The following NELL1 variants were observed in gnomAD, a reference collection of about 807,000 sequenced individuals.
NELL1 encodes neural EGFL like 1.
In NELL1, 76 loss-of-function variants were observed where a neutral mutation model predicts 107.4. The ratio of observed to expected loss-of-function variants is 0.71; its 90% CI spans 0.59 to 0.86. The LOEUF is 0.86. Among genes scored for constraint, NELL1 ranks in the 40% least tolerant of loss-of-function variants. NELL1 has a pLI of 0.00. For missense variants in NELL1, 1,024 were observed against 1,005.5 expected, an observed-to-expected ratio of 1.02 and a Z score of -0.25; for synonymous variants, 353 against 341.2, an observed-to-expected ratio of 1.03 and a Z score of -0.38.
In NELL1 at chr11:20,721,179, G is replaced by GTATATATATATATATATATATATATA. The variant is rs1368182153; in HGVS notation, c.184+43120_184+43121insATATATATATATATATATATATATAT. ...CCAATGAGATATAGATATATATTTT[G>GTATATATATATATATATATATATATA]TGTATATATATATATATAGTGTATA... On this transcript the variant is annotated intron_variant, in intron 2 of 19. Coordinates refer to ENST00000357134, the MANE Select transcript of NELL1 (RefSeq NM_006157.5). Among the ~76,000 whole-genome samples, 74 of 31,946 alleles carry GTATATATATATATATATATATATATA rather than the reference G, an allele frequency of 2.3e-3. 1 individual carries two copies. The highest frequency in any genetic ancestry group is 7.9e-3 in the South Asian group (5 of 634). 21.0% of individuals were successfully genotyped at this position (31,946 alleles called of 152,430 possible).
chr11:21,396,047 T>C, intron 15 of NELL1, among the ~76,000 whole-genome samples: 1 of 151,610 alleles, frequency 6.6e-6, no homozygotes, highest in East Asian at 2.0e-4. Context: ...GAGGCAGTTT[T>C]CACTTCTATA....
chr11:20,919,475 A>G, intron 7 of NELL1, 141 bp downstream of exon 7: 4 of 555,814 alleles, frequency 7.2e-6, no homozygotes, highest in East Asian at 3.0e-5. Context: ...TCTTACTCAA[A>G]ATAGGACTAC....
At chr11:20,873,938 AT>A (rs1286773336) in intron 4 of NELL1, among the ~76,000 whole-genome samples, 1 of 151,574 alleles carries the variant, frequency 6.6e-6, no homozygotes, top group African/African-American at 2.4e-5. Flanking sequence ...TAACTTTTTT[AT>A]TTTTTGTAGA....
chr11:21,410,557 C>T (rs1218898616), intron 15 of NELL1, among the ~76,000 whole-genome samples: 3 of 151,998 alleles, frequency 2.0e-5, no homozygotes, highest in Non-Finnish European at 4.4e-5. Context: ...AATTTATAAC[C>T]TAACATAAAT....
chr11:20,674,555 A>G, intron 1 of NELL1: 1 of 1,533,660 alleles, frequency 6.5e-7, no homozygotes, highest in South Asian at 1.2e-5. Context: ...TCTCTGCTTC[A>G]GCAATCCCTT....
chr11:20,878,307 C>T (rs866191206), intron 4 of NELL1, among the ~76,000 whole-genome samples: 10 of 145,820 alleles, frequency 6.9e-5, no homozygotes, highest in South Asian at 2.2e-4. Flanking sequence ...TGCAGTGAGC[C>T]GAGATCGCGG....
chr11:21,407,048 G>A (rs1273099082), intron 15 of NELL1, among the ~76,000 whole-genome samples: 1 of 152,016 alleles, frequency 6.6e-6, no homozygotes, highest in Non-Finnish European at 1.5e-5. Context: ...GTGAGAATTT[G>A]AGTGAAGCTG....
intron 14 of NELL1, among the ~76,000 whole-genome samples, chr11:21,347,463 G>T (rs1214161450): frequency 6.6e-6 from 1 of 152,014 alleles, no homozygotes; most frequent in African/African-American, 2.4e-5. Context: ...TTAGCCGAGT[G>T]TGGTGGTGCA....
At chr11:20,903,511 T>C (rs1332354935) in intron 5 of NELL1, among the ~76,000 whole-genome samples, 1 of 152,108 alleles carries the variant, frequency 6.6e-6, no homozygotes, top group Non-Finnish European at 1.5e-5. Context: ...GGTTTTGATT[T>C]ATTCAGTTTG....
intron 3 of NELL1, among the ~76,000 whole-genome samples, chr11:20,836,557 G>A (rs1848537867): frequency 6.6e-6 from 1 of 151,976 alleles, no homozygotes. Flanking sequence ...TGTATATGAT[G>A]AAGTATTACT....
rs141323787 is a variant in NELL1 at position 20,947,424 on chromosome 11, G to T, written c.1160G>T (p.Arg387Leu). ...DHILPENQCC[R>L]VCRGHNFCAE... ...ATTCTTCCTGAGAATCAGTGCTGCC[G>T]TGTCTGTAGAGGTAAGTGGGCTTGG... The change falls in exon 11 of 20, where the codon CGT becomes CTT. Residue 387 changes from arginine to leucine, a missense_variant. By Grantham distance (102) the Arg-to-Leu change is moderately radical. Coordinates refer to ENST00000357134, the MANE Select transcript of NELL1 (RefSeq NM_006157.5). The T allele has an allele frequency of 1.2e-6, 2 of 1,613,826 alleles. No homozygotes were observed. Among genetic ancestry groups the T allele is most frequent in the East Asian group, 2.2e-5 (1 of 44,862 alleles).
intron 15 of NELL1, among the ~76,000 whole-genome samples, chr11:21,439,663 A>G (rs1853228519): frequency 1.3e-5 from 2 of 152,166 alleles, no homozygotes. Flanking sequence ...TGTATTAGTA[A>G]GTAATACAGC....
chr11:21,338,698 C>CTTTTTTTTT (rs5790175), intron 14 of NELL1, among the ~76,000 whole-genome samples: 1 of 150,872 alleles, frequency 6.6e-6, no homozygotes. Context: ...CAAACATTTC[C>CTTTTTTTTT]TTTTTTTTTG....
intron 14 of NELL1, among the ~76,000 whole-genome samples, chr11:21,332,960 T>C (rs1590844889): frequency 6.6e-6 from 1 of 152,050 alleles, no homozygotes; most frequent in East Asian, 1.9e-4. Context: ...TAAATTTCTT[T>C]AAACAACTTG....
At chr11:21,113,481 T>G in intron 12 of NELL1, 108 bp from the exon 13 acceptor site, 1 of 1,152,334 alleles carries the variant, frequency 8.7e-7, no homozygotes, top group Admixed American at 2.4e-5. Flanking sequence ...TGTTACTTTT[T>G]CTCTTGGCTT....
chr11:21,482,668 T>C (rs1590966446), intron 15 of NELL1, among the ~76,000 whole-genome samples: 1 of 152,098 alleles, frequency 6.6e-6, no homozygotes, highest in African/African-American at 2.4e-5. Context: ...ACTGAACTCT[T>C]TGAGGGCAGA....
At chr11:20,821,144 G>C (rs952227462) in intron 3 of NELL1, among the ~76,000 whole-genome samples, 1 of 152,186 alleles carries the variant, frequency 6.6e-6, no homozygotes, top group African/African-American at 2.4e-5. Context: ...TGAAGCATGA[G>C]TCAGAGTTTA....
At chr11:20,847,831 C>A in intron 4 of NELL1, 78 bp downstream of exon 4, 1 of 1,433,254 alleles carries the variant, frequency 7.0e-7, no homozygotes, top group South Asian at 1.4e-5. Context: ...TATCAAATTC[C>A]TTCAAGACTT....
intron 14 of NELL1, among the ~76,000 whole-genome samples, chr11:21,255,920 G>T (rs1014465199): frequency 6.6e-6 from 1 of 151,898 alleles, no homozygotes; most frequent in African/African-American, 2.4e-5. Flanking sequence ...TTAAGAAAAT[G>T]TTTCTTTTTA....
Sources: gnomAD v4.1 joint callset for allele counts (sites outside exome capture counted in the v4.1 genomes callset) on GRCh38, gnomAD v4.1.1 for gene constraint, MANE v1.5 for transcripts, NCBI Gene and HGNC (gene_info 2026-07-23, HGNC 2026-07-21) for gene names.